UPK1B: variants seen among roughly 807,000 people sequenced by gnomAD.
UPK1B encodes the protein uroplakin 1B.
UPK1B carries 28 observed loss-of-function variants against 34.2 expected under a neutral mutation model. That is an observed-to-expected ratio of 0.82 (90% CI 0.61 to 1.12). The LOEUF is 1.12. Among genes scored for constraint, UPK1B ranks in the 50% most tolerant of loss-of-function variants. UPK1B has a pLI of 0.00. For synonymous variants in UPK1B, 81 were observed against 110.4 expected (o/e 0.73, Z 1.67); for missense variants, 325 against 320.9 (o/e 1.01, Z -0.10).
intron 5 of UPK1B, among the ~76,000 whole-genome samples, chr3:119,193,231 TA>T (rs1209762793): frequency 3.3e-5 from 5 of 152,238 alleles, no homozygotes; most frequent in Admixed American, 2.0e-4. Context: ...CACTAAATCC[TA>T]GTTTGAAATA....
At chr3:119,184,206 C>T (rs546753321) in intron 1 of UPK1B, among the ~76,000 whole-genome samples, 3 of 152,258 alleles carry the variant, frequency 2.0e-5, no homozygotes, top group African/African-American at 7.2e-5. Flanking sequence ...GCTCTTTCCC[C>T]TTTGTCTAAA....
chr3:119,197,731 A>G (rs2078072855), intron 6 of UPK1B, among the ~76,000 whole-genome samples: 1 of 152,236 alleles, frequency 6.6e-6, no homozygotes, highest in Non-Finnish European at 1.5e-5. Context: ...CAGAAAATAA[A>G]CATGTTACCA....
intron 5 of UPK1B, 21 bp from the exon 6 acceptor site, chr3:119,194,198 G>GT: frequency 6.2e-7 from 1 of 1,610,946 alleles, no homozygotes. Context: ...AGAGAATTTT[G>GT]TATCTCTCAT....
intron 5 of UPK1B, among the ~76,000 whole-genome samples, chr3:119,193,499 T>A (rs112733720): frequency 2.0e-5 from 3 of 152,310 alleles, no homozygotes; most frequent in African/African-American, 7.2e-5. Flanking sequence ...CTATTCTCAA[T>A]TCTATCCAGA....
chr3:119,177,164 G>A (rs552429144), intron 1 of UPK1B, among the ~76,000 whole-genome samples: 36 of 152,264 alleles, frequency 2.4e-4, no homozygotes, highest in African/African-American at 8.4e-4. Context: ...CAGAAGTTAG[G>A]GTAAACGGTG....
Position 119,187,940 on chromosome 3 carries a change from G to C in UPK1B, c.235G>C (p.Gly79Arg), listed in dbSNP as rs774261196. The change falls in exon 3 of 8, where the codon GGC becomes CGC. Residue 79 changes from glycine (G) to arginine (R), a missense_variant. Physicochemically the swap from Gly to Arg is moderately radical, Grantham distance 125. Transcript: ENST00000264234. ...LFCLSVLGIV[G>R]IMKSSRKILL... ...CTGCCTGTCTGTTCTAGGCATTGTA[G>C]GCATCATGAAGTCCAGCAGGAAAAT... The C allele has an allele frequency of 1.8e-5, 29 of 1,614,032 alleles. No individual in the cohort carries two copies. Among genetic ancestry groups the C allele is most frequent in the Non-Finnish European group, 2.4e-5 (28 of 1,180,042 alleles).
At chr3:119,203,071 G>A (rs1177191636) in intron 7 of UPK1B, among the ~76,000 whole-genome samples, 2 of 152,088 alleles carry the variant, frequency 1.3e-5, no homozygotes, top group East Asian at 1.9e-4. Flanking sequence ...GGCCAGGCGT[G>A]GTGGCTCACG....
Position 119,204,643 on chromosome 3 carries a change from G to C in UPK1B, c.*676G>C, listed in dbSNP as rs368999956. 1 of 152,240 alleles carries C rather than the reference G, an allele frequency of 6.6e-6. No individual in the cohort carries two copies. The highest frequency in any genetic ancestry group is 1.5e-5 in the Non-Finnish European group (1 of 68,086). The allele number at this position is 152,240 out of a possible 1,614,324, so 9.4% of individuals were successfully genotyped here. A position where few individuals can be genotyped will look rare whatever the true frequency, so the allele number is the denominator to read the frequency against. ...TGTAATCCCAGCACTTTGGGAGGCC[G>C]AGGTGGGCAGATCACCTGAGGTCAG... On this transcript the variant is annotated 3_prime_UTR_variant, in exon 8 of 8. Coordinates refer to ENST00000264234, the MANE Select transcript of UPK1B (RefSeq NM_006952.4).
Position 119,204,572 on chromosome 3 carries a change from A to C in UPK1B, c.*605A>C, listed in dbSNP as rs2078110211. 1 of 152,422 alleles carries C rather than the reference A, an allele frequency of 6.6e-6. No homozygotes were observed. The highest frequency in any genetic ancestry group is 1.5e-5 in the Non-Finnish European group (1 of 68,220). The allele number at this position is 152,422 out of a possible 1,614,324, so 9.4% of individuals were successfully genotyped here. On this transcript the variant is annotated 3_prime_UTR_variant, in exon 8 of 8. Coordinates refer to ENST00000264234, the MANE Select transcript of UPK1B (RefSeq NM_006952.4). ...TTGAAGTATGTGTTTAGTAGCCTCA[A>C]TTCTCCATTAATTAAAAGTGTGGGC...
At chr3:119,182,941 C>T (rs1024641225) in intron 1 of UPK1B, among the ~76,000 whole-genome samples, 4 of 152,132 alleles carry the variant, frequency 2.6e-5, no homozygotes, top group Non-Finnish European at 4.4e-5. Flanking sequence ...CATGTGGGTA[C>T]AGCACTGAGT....
Position 119,204,630 on chromosome 3 carries a change from A to G in UPK1B, c.*663A>G, listed in dbSNP as rs2078110727. ...GGGGGCTCATGCCTGTAATCCCAGCACTTTGGGAGGCCGAGGTGGGCAGAT... is the reference window on the plus strand; with the variant it reads ...GGGGGCTCATGCCTGTAATCCCAGCGCTTTGGGAGGCCGAGGTGGGCAGAT... On this transcript the variant is annotated 3_prime_UTR_variant, in exon 8 of 8. Transcript: ENST00000264234. 6.6e-6 allele frequency: 1 copy of G among 152,234 alleles called. No individual in the cohort carries two copies. The highest frequency in any genetic ancestry group is 2.4e-5 in the African/African-American group (1 of 41,428). 9.4% of individuals were successfully genotyped at this position (152,234 alleles called of 1,614,324 possible). A position where few individuals can be genotyped will look rare whatever the true frequency, so the allele number is the denominator to read the frequency against.
At chr3:119,194,130 T>C (rs2078056063) in intron 5 of UPK1B, 89 bp from the exon 6 acceptor site, 1 of 1,294,796 alleles carries the variant, frequency 7.7e-7, no homozygotes, top group African/African-American at 1.5e-5. Flanking sequence ...ACTTTCCGTA[T>C]CTTCTTTCTC....
At chr3:119,179,862 A>G (rs1450654444) in intron 1 of UPK1B, among the ~76,000 whole-genome samples, 1 of 102,766 alleles carries the variant, frequency 9.7e-6, no homozygotes, top group African/African-American at 4.0e-5. Flanking sequence ...GCAATGGCGC[A>G]ATCTCGGCTC....
intron 1 of UPK1B, among the ~76,000 whole-genome samples, chr3:119,178,300 A>G (rs189334938): frequency 1.8e-4 from 27 of 152,334 alleles, no homozygotes; most frequent in African/African-American, 6.5e-4. Flanking sequence ...GGATTCAAAG[A>G]AACTGGTCAG....
chr3:119,201,729 C>T (rs1011072098), intron 7 of UPK1B, among the ~76,000 whole-genome samples: 1 of 152,054 alleles, frequency 6.6e-6, no homozygotes, highest in African/African-American at 2.4e-5. Context: ...TTTTATGATC[C>T]CTCAACCCAA....
intron 2 of UPK1B, 48 bp downstream of exon 2, chr3:119,186,858 A>T (rs1416186226): frequency 1.3e-6 from 2 of 1,574,538 alleles, no homozygotes; most frequent in Non-Finnish European, 1.7e-6. Context: ...CTGTAATCAT[A>T]ATTCTAGATG....
At chr3:119,196,079 C>T (rs1383736344) in intron 6 of UPK1B, among the ~76,000 whole-genome samples, 1 of 152,142 alleles carries the variant, frequency 6.6e-6, no homozygotes, top group Non-Finnish European at 1.5e-5. Context: ...TCACTCAGCC[C>T]TACTCCTCCA....
chr3:119,189,931 C>G (rs1416004411), intron 3 of UPK1B, among the ~76,000 whole-genome samples: 1 of 152,236 alleles, frequency 6.6e-6, no homozygotes. Context: ...TGTAAATGCT[C>G]ACATGTGTGT....
At chr3:119,174,219 T>C (rs1430589314) in intron 1 of UPK1B, among the ~76,000 whole-genome samples, 1 of 152,242 alleles carries the variant, frequency 6.6e-6, no homozygotes, top group African/African-American at 2.4e-5. Context: ...AATGTGTCAG[T>C]TGAAGTAAGT....
Sources: allele counts gnomAD v4.1 joint callset (sites outside exome capture counted in the v4.1 genomes callset), GRCh38; gene constraint gnomAD v4.1.1; transcripts MANE v1.5; gene names NCBI Gene and HGNC (gene_info 2026-07-23, HGNC 2026-07-21).